ZMYM4: variants seen among roughly 807,000 people sequenced by gnomAD.
The protein encoded by ZMYM4 is zinc finger MYM-type containing 4.
Under a neutral mutation model 183.2 loss-of-function variants are expected in ZMYM4, and 31 were observed. That is an observed-to-expected ratio of 0.17 (90% confidence interval 0.13 to 0.23). ZMYM4 has a LOEUF of 0.23. ZMYM4 is among the 10% of genes least tolerant of loss of function. The pLI, the probability that ZMYM4 is intolerant of heterozygous loss-of-function variation, is 1.00. For synonymous variants in ZMYM4, 592 were observed against 631.2 expected, an observed-to-expected ratio of 0.94 and a Z score of 0.93; for missense variants, 1,273 against 1,840.3, an observed-to-expected ratio of 0.69 and a Z score of 5.64.
chr1:35,352,259 A>G (rs867023538), intron 2 of ZMYM4, among the ~76,000 whole-genome samples: 124 of 77,598 alleles, frequency 1.6e-3, no homozygotes, highest in South Asian at 3.0e-3. Context: ...ATTAGCGCGC[A>G]CGCGCGCGCG....
intron 1 of ZMYM4, among the ~76,000 whole-genome samples, chr1:35,312,405 TA>T (rs748838731): frequency 2.0e-5 from 3 of 152,188 alleles, no homozygotes; most frequent in Non-Finnish European, 4.4e-5. Context: ...ATACATAACA[TA>T]AAATCTTCCA....
intron 1 of ZMYM4, among the ~76,000 whole-genome samples, chr1:35,271,468 T>C (rs1639602279): frequency 6.6e-6 from 1 of 152,126 alleles, no homozygotes; most frequent in Admixed American, 6.5e-5. Flanking sequence ...GGTGGCGCAA[T>C]CTCGGCTCGT....
At chr1:35,298,337 G>A (rs903651149) in intron 1 of ZMYM4, among the ~76,000 whole-genome samples, 17 of 152,142 alleles carry the variant, frequency 1.1e-4, no homozygotes, top group African/African-American at 3.4e-4. Context: ...GAGGCCAGGA[G>A]ATCAAGGCTG....
chr1:35,361,935 A>G lies in ZMYM4; in HGVS notation c.840+146A>G, dbSNP rs1357580253. 4.7e-6 allele frequency: 5 copies of G among 1,061,982 alleles called. No individual in the cohort carries two copies. In the African/African-American group the frequency reaches 4.8e-5, roughly 10 times the overall value. The allele number at this position is 1,061,982 out of a possible 1,614,324, so 65.8% of individuals were successfully genotyped here. On this transcript the variant is annotated intron_variant, in intron 5 of 29. Transcript: ENST00000314607. ...GAAGGTTGAGGCGATTTGAATTACC[A>G]TATAAGGCATTAACGAGCTATATGA...
At chr1:35,296,843 CTTTTTTTTT>C (rs780202714) in intron 1 of ZMYM4, among the ~76,000 whole-genome samples, 1 of 95,626 alleles carries the variant, frequency 1.0e-5, no homozygotes, top group Non-Finnish European at 1.8e-5. Flanking sequence ...TTCTTTCTTT[CTTTTTTTTT>C]TTTTTTTTTT....
chr1:35,281,701 AC>A (rs1418974456), intron 1 of ZMYM4, among the ~76,000 whole-genome samples: 1 of 151,742 alleles, frequency 6.6e-6, no homozygotes, highest in Admixed American at 6.6e-5. Flanking sequence ...TACCATTTTA[AC>A]AACTTTAAGT....
intron 2 of ZMYM4, among the ~76,000 whole-genome samples, chr1:35,349,673 C>CA (rs150748861): frequency 0.059 from 8,955 of 150,938 alleles, 674 homozygotes; most frequent in African/African-American, 0.17. Context: ...ACTAAAAATA[C>CA]AAAAAAACCA....
chr1:35,343,301 T>C (rs531923074), intron 2 of ZMYM4, among the ~76,000 whole-genome samples: 23 of 152,328 alleles, frequency 1.5e-4, no homozygotes, highest in Non-Finnish European at 3.2e-4. Context: ...AGAAACCTTA[T>C]AGTTTAGGCT....
intron 5 of ZMYM4, among the ~76,000 whole-genome samples, chr1:35,365,734 TG>T (rs913169985): frequency 6.6e-6 from 1 of 152,192 alleles, no homozygotes; most frequent in African/African-American, 2.4e-5. Context: ...TTTTGGCATG[TG>T]TTTTTCTGCT....
chr1:35,296,068 T>A (rs1640993159), intron 1 of ZMYM4: 1 of 152,260 alleles, frequency 6.6e-6, no homozygotes, highest in African/African-American at 2.4e-5. Flanking sequence ...TTATCCTTGG[T>A]GAAGTCAAGG....
chr1:35,271,423 G>T (rs987187711), intron 1 of ZMYM4, among the ~76,000 whole-genome samples: 10 of 151,864 alleles, frequency 6.6e-5, no homozygotes, highest in African/African-American at 2.4e-4. Context: ...TTATTTTTGA[G>T]ACAGAGTCTT....
At chr1:35,342,574 C>T (rs1040527085) in intron 2 of ZMYM4, among the ~76,000 whole-genome samples, 1 of 152,122 alleles carries the variant, frequency 6.6e-6, no homozygotes, top group African/African-American at 2.4e-5. Flanking sequence ...TACTTATTGG[C>T]CTTTCCTAAA....
intron 29 of ZMYM4, among the ~76,000 whole-genome samples, chr1:35,419,131 C>T (rs1275029091): frequency 6.6e-6 from 1 of 152,088 alleles, no homozygotes; most frequent in African/African-American, 2.4e-5. Flanking sequence ...TTTTGTTGCT[C>T]TTAATAATGT....
At chr1:35,369,595 A>G (rs1644160327) in intron 5 of ZMYM4, among the ~76,000 whole-genome samples, 1 of 152,086 alleles carries the variant, frequency 6.6e-6, no homozygotes, top group Non-Finnish European at 1.5e-5. Flanking sequence ...TGCATTGAGG[A>G]GGGGAAAAGA....
chr1:35,411,398 G>A (rs1464708788), intron 26 of ZMYM4, among the ~76,000 whole-genome samples: 2 of 151,482 alleles, frequency 1.3e-5, no homozygotes, highest in African/African-American at 2.4e-5. Context: ...CTTGTGATCC[G>A]CCTGCCTCGG....
chr1:35,373,123 C>A lies in ZMYM4; in HGVS notation c.1181+2496C>A, dbSNP rs2148941989. Among the ~76,000 whole-genome samples, 3 of 151,986 alleles carry A rather than the reference C, an allele frequency of 2.0e-5. No homozygotes were observed. In the South Asian group the frequency reaches 6.2e-4, roughly 32 times the overall value. Reference sequence around the variant, plus strand: ...GCAGTGAGCCAAGATTGCACCAATGCACTCCAGCCTGGATGACAGAGTGAG... The same window carrying A: ...GCAGTGAGCCAAGATTGCACCAATGAACTCCAGCCTGGATGACAGAGTGAG... On this transcript the variant is annotated intron_variant, in intron 7 of 29. Transcript: ENST00000314607.
intron 5 of ZMYM4, among the ~76,000 whole-genome samples, chr1:35,367,041 ATT>A (rs1644099606): frequency 6.6e-6 from 1 of 151,208 alleles, no homozygotes; most frequent in Non-Finnish European, 1.5e-5. Context: ...AAAAAAAAAA[ATT>A]GAGATTTAGA....
rs142801529 is a variant in ZMYM4, at chr1:35,372,896, G to A, written c.1181+2269G>A. Among the ~76,000 whole-genome samples the A allele has an allele frequency of 5.2e-4, 79 of 152,270 alleles. 2 individuals are homozygous for A. The East Asian group carries it at 0.014, about 28-fold the overall frequency. On this transcript the variant is annotated intron_variant, in intron 7 of 29. Coordinates refer to ENST00000314607, the MANE Select transcript of ZMYM4 (RefSeq NM_005095.3). ...GTTGTGGCTGGGCGTGGTGGCTTGC[G>A]CCGGTAATCCCAGCACTTTGGGAGG... is the stretch of plus-strand genomic sequence containing the variant.
chr1:35,421,733 T>G lies in ZMYM4; in HGVS notation c.*2056T>G, dbSNP rs1640331374. On this transcript the variant is annotated 3_prime_UTR_variant, in exon 30 of 30. Transcript: ENST00000314607. Reference sequence around the variant, plus strand: ...AATTATTGGTCATTCCTCATAAGTGTAGCTGTTGATGTGTGCGTCTGATTA... The same window carrying G: ...AATTATTGGTCATTCCTCATAAGTGGAGCTGTTGATGTGTGCGTCTGATTA... The G allele has an allele frequency of 6.6e-6, 1 of 152,238 alleles. No homozygotes were observed. The highest frequency in any genetic ancestry group is 2.4e-5 in the African/African-American group (1 of 41,470). The allele number at this position is 152,238 out of a possible 1,614,324, so 9.4% of individuals were successfully genotyped here. A position where few individuals can be genotyped will look rare whatever the true frequency, so the allele number is the denominator to read the frequency against.
Sources: allele counts gnomAD v4.1 joint callset (sites outside exome capture counted in the v4.1 genomes callset), GRCh38; gene constraint gnomAD v4.1.1; transcripts MANE v1.5; gene names NCBI Gene and HGNC (gene_info 2026-07-23, HGNC 2026-07-21).